The following UBN1 variants were observed in gnomAD, a reference collection of about 807,000 sequenced individuals.
The protein encoded by UBN1 is ubinuclein-1.
A neutral mutation model predicts 108.5 loss-of-function variants in UBN1; 17 were observed. The ratio of observed to expected loss-of-function variants is 0.16; its 90% CI spans 0.11 to 0.24. The LOEUF (loss-of-function observed/expected upper bound fraction) is 0.24, where lower values mean the gene tolerates loss of function less well. UBN1 is among the 10% of genes least tolerant of loss of function. The probability of loss-of-function intolerance (pLI) is 1.00; values close to 1 mark genes in which losing one functional copy is unlikely to be tolerated. For synonymous variants in UBN1, 726 were observed against 564.2 expected (o/e 1.29, Z -4.07); for missense variants, 1,595 against 1,394.4 (o/e 1.14, Z -2.29).
rs1374653936 is a variant in UBN1 at position 4,848,046 on chromosome 16, G to C, written c.-204G>C. The stretch of plus-strand genomic sequence containing the variant: ...GGCCGGCGCGCGGCGCGGCACACCA[G>C]GCTCCCCTGGGCTCGGGGACCCGGC... On this transcript the variant is annotated 5_prime_UTR_variant, in exon 1 of 18. Coordinates refer to ENST00000262376, the MANE Select transcript of UBN1 (RefSeq NM_001079514.3). 1 of 152,124 alleles carries C rather than the reference G, an allele frequency of 6.6e-6. No homozygotes were observed. Among genetic ancestry groups the C allele is most frequent in the Non-Finnish European group, 1.5e-5 (1 of 68,040 alleles). The allele number at this position is 152,124 out of a possible 1,614,324, so 9.4% of individuals were successfully genotyped here.
chr16:4,870,539 C>T lies in UBN1; in HGVS notation c.1335C>T (p.Leu445=). Reference sequence around the variant, plus strand: ...AGGGGGGCCGTCTGAAGGAGCCTCTCCAGAAGCTCAAGGAAGCCATTGGCA... The same window carrying T: ...AGGGGGGCCGTCTGAAGGAGCCTCTTCAGAAGCTCAAGGAAGCCATTGGCA... ...YEQGGRLKEP[L]QKLKEAIGRA... is the part of the protein sequence containing the mutation. The change falls in exon 10 of 18, where the codon CTC becomes CTT. Residue 445 remains leucine, a synonymous_variant. Transcript: ENST00000262376. 6.2e-7 allele frequency: 1 copy of T among 1,614,236 alleles called. No homozygotes were observed. Among genetic ancestry groups the T allele is most frequent in the South Asian group, 1.1e-5 (1 of 91,090 alleles).
rs145320588 is a variant in UBN1 at position 4,872,962 on chromosome 16, G to A, written c.1757+28G>A. ...GAGTGTCTTGGTATTTTCACATCTC[G>A]GGACAAGTGTTGTTTTTGGTCTCCT... On this transcript the variant is annotated intron_variant, in intron 13 of 17. Coordinates refer to ENST00000262376, the MANE Select transcript of UBN1 (RefSeq NM_001079514.3). 4.8e-4 allele frequency: 777 copies of A among 1,614,160 alleles called. 4 individuals are homozygous for A. The East Asian group carries it at 0.012, about 24-fold the overall frequency.
chr16:4,873,236 A>C (rs1489769223), intron 14 of UBN1, among the ~76,000 whole-genome samples, 163 bp downstream of exon 14: 1 of 152,196 alleles, frequency 6.6e-6, no homozygotes, highest in Non-Finnish European at 1.5e-5. Flanking sequence ...GACCCAAGCC[A>C]CTTAACCCCC....
Position 4,877,217 on chromosome 16 carries a change from T to C in UBN1, c.3265+106T>C, listed in dbSNP as rs143759803. The C allele has an allele frequency of 1.0e-3, 1,540 of 1,517,696 alleles. 12 individuals carry two copies. The African/African-American group carries it at 0.016, about 16-fold the overall frequency. The allele number at this position is 1,517,696 out of a possible 1,614,324, so 94.0% of individuals were successfully genotyped here. A position where few individuals can be genotyped will look rare whatever the true frequency, so the allele number is the denominator to read the frequency against. ...CCTGTGTTTGAGTCTGGTGTGTGAC[T>C]GTGGGGAACATCTCCGGGAACTGTG... On this transcript the variant is annotated intron_variant, in intron 16 of 17. Coordinates refer to ENST00000262376, the MANE Select transcript of UBN1 (RefSeq NM_001079514.3). The surrounding 1 kb of genome is among the most constrained non-coding windows in gnomAD (Gnocchi z 4.3).
chr16:4,853,487 C>G (rs1205396394), intron 2 of UBN1, among the ~76,000 whole-genome samples: 1 of 152,008 alleles, frequency 6.6e-6, no homozygotes, highest in Non-Finnish European at 1.5e-5. Context: ...TTTTCCTCTT[C>G]CAACAGAATC....
intron 17 of UBN1, among the ~76,000 whole-genome samples, chr16:4,879,470 A>G (rs1041068493): frequency 2.6e-5 from 4 of 151,214 alleles, no homozygotes; most frequent in Non-Finnish European, 4.4e-5. Flanking sequence ...TTTTTTAATC[A>G]GTTTAAAAGT....
At chr16:4,872,738 G>A (rs2087707715) in intron 12 of UBN1, 146 bp from the exon 13 acceptor site, 1 of 904,456 alleles carries the variant, frequency 1.1e-6, no homozygotes, top group Non-Finnish European at 1.7e-6. Flanking sequence ...AAAAGTGCTG[G>A]GATTACAGGC....
rs886931941 is a variant in UBN1, at chr16:4,880,586, C to G, written c.*454C>G. On this transcript the variant is annotated 3_prime_UTR_variant, in exon 18 of 18. Coordinates refer to ENST00000262376, the MANE Select transcript of UBN1 (RefSeq NM_001079514.3). ...GGATGGTCACAGTGCCGCCCCATCC[C>G]CAGGCTGTGTGCTCAAAGCGGACAA... 1.2e-5 allele frequency: 2 copies of G among 171,718 alleles called. No individual in the cohort carries two copies. Among genetic ancestry groups the G allele is most frequent in the African/African-American group, 4.7e-5 (2 of 42,744 alleles). The allele number at this position is 171,718 out of a possible 1,614,324, so 10.6% of individuals were successfully genotyped here.
At chr16:4,876,782 CAAG>C (rs991072624) in intron 15 of UBN1, 86 bp from the exon 16 acceptor site, 12 of 1,512,736 alleles carry the variant, frequency 7.9e-6, no homozygotes, top group Non-Finnish European at 3.5e-6. Flanking sequence ...TGTGGACACA[CAAG>C]GAGGATCCTT....
intron 12 of UBN1, 40 bp from the exon 13 acceptor site, chr16:4,872,844 C>G (rs750208245): frequency 2.4e-5 from 39 of 1,613,126 alleles, no homozygotes; most frequent in Non-Finnish European, 3.2e-5. Context: ...TCCCAGCTTT[C>G]TGGGGCATGT....
chr16:4,860,624 G>A, intron 6 of UBN1, 40 bp from the exon 7 acceptor site: 1 of 1,570,778 alleles, frequency 6.4e-7, no homozygotes, highest in Middle Eastern at 1.7e-4. Flanking sequence ...CTTTGGAGGT[G>A]TCCTATAGTC....
At position 4,860,957 on chromosome 16, in the gene UBN1, A is replaced by G. The variant is rs1450783865; in HGVS notation, c.965A>G (p.Glu322Gly). The G allele has an allele frequency of 4.3e-6, 7 of 1,614,224 alleles. No individual in the cohort carries two copies. The highest frequency in any genetic ancestry group is 5.9e-6 in the Non-Finnish European group (7 of 1,180,044). ...TDLDLEHLLS[E>G]SPEGSPFRDM... The stretch of plus-strand genomic sequence containing the variant: ...TTGGACTTGGAGCATCTGCTCAGTG[A>G]GTCTCCAGAAGGAAGTCCCTTCCGA... Residue 322 changes from glutamate to glycine, a missense_variant, in exon 7 of 18, where the codon GAG becomes GGG. Transcript: ENST00000262376.
rs2087033263 is a variant in UBN1 at position 4,861,012 on chromosome 16, G to A, written c.1020G>A (p.Gly340=). 1 of 1,614,240 alleles carries A rather than the reference G, an allele frequency of 6.2e-7. No homozygotes were observed. Among genetic ancestry groups the A allele is most frequent in the Non-Finnish European group, 8.5e-7 (1 of 1,180,054 alleles). The change falls in exon 7 of 18, where the codon GGG becomes GGA. Residue 340 remains glycine, a synonymous_variant. Coordinates refer to ENST00000262376, the MANE Select transcript of UBN1 (RefSeq NM_001079514.3). ...RDMDDGSDSL[G]VGLDQEFRQP... ...TGGATGATGGAAGTGATTCCCTTGG[G>A]GTGGGATTGGACCAGGAATTCAGGC...
chr16:4,864,117 A>G (rs886080247), intron 7 of UBN1, among the ~76,000 whole-genome samples: 9 of 117,770 alleles, frequency 7.6e-5, no homozygotes, highest in Non-Finnish European at 1.1e-4. Flanking sequence ...GTCTGACTCC[A>G]TCACCCAGGC....
At chr16:4,865,103 A>G (rs2087261287) in intron 7 of UBN1, among the ~76,000 whole-genome samples, 1 of 152,194 alleles carries the variant, frequency 6.6e-6, no homozygotes, top group African/African-American at 2.4e-5. Flanking sequence ...ATTAATTCAC[A>G]CAACTTCTGG....
chr16:4,872,454 G>A (rs1263023222), intron 12 of UBN1: 1 of 299,064 alleles, frequency 3.3e-6, no homozygotes, highest in Non-Finnish European at 4.8e-6. Flanking sequence ...TTTTTTGTGT[G>A]TGTGGGGGGT....
intron 17 of UBN1, among the ~76,000 whole-genome samples, chr16:4,879,769 A>G (rs1293887660): frequency 6.6e-6 from 1 of 152,358 alleles, no homozygotes; most frequent in South Asian, 2.1e-4. Context: ...TGTGATCGTC[A>G]GGCCTCGCCT....
At chr16:4,870,458 G>C in intron 9 of UBN1, 58 bp from the exon 10 acceptor site, 1 of 1,612,146 alleles carries the variant, frequency 6.2e-7, no homozygotes, top group Non-Finnish European at 8.5e-7. Flanking sequence ...CCCATCATGC[G>C]TCCTGAGCGT....
chr16:4,864,076 T>C (rs1173597379), intron 7 of UBN1, among the ~76,000 whole-genome samples: 347 of 34,308 alleles, frequency 0.01, no homozygotes, highest in Non-Finnish European at 0.015. Context: ...TGTTGTTGCC[T>C]TTTTTTTTTT....
Sources: allele counts gnomAD v4.1 joint callset (sites outside exome capture counted in the v4.1 genomes callset), GRCh38; gene constraint gnomAD v4.1.1; non-coding constraint Gnocchi (gnomAD v3.1); transcripts MANE v1.5; gene names NCBI Gene and HGNC (gene_info 2026-07-23, HGNC 2026-07-21).